The following SLC1A1 variants were observed in gnomAD, a reference collection of about 807,000 sequenced individuals.
SLC1A1 encodes excitatory amino acid transporter 3.
A neutral mutation model predicts 53.3 loss-of-function variants in SLC1A1; 43 were observed. That is an observed-to-expected ratio of 0.81 (90% CI 0.63 to 1.04). The LOEUF (loss-of-function observed/expected upper bound fraction) is 1.04. SLC1A1 is among the 50% of genes least tolerant of loss of function. The pLI is 0.00. For missense variants in SLC1A1, 748 were observed against 664.9 expected (o/e 1.12, Z -1.37); for synonymous variants, 307 against 243.2 (o/e 1.26, Z -2.44).
rs184382078 is a variant in SLC1A1 at position 4,508,330 on chromosome 9, G to C, written c.91+17560G>C. ...AATCCAAGCACACATGCATGGTACT[G>C]ATACACCTGTGGGAGAGTGAGAGTC... On this transcript the variant is annotated intron_variant, in intron 1 of 11. Transcript: ENST00000262352. Among the ~76,000 whole-genome samples the C allele has an allele frequency of 3.3e-5, 5 of 152,304 alleles. No individual in the cohort carries two copies. In the East Asian group the frequency reaches 9.6e-4, roughly 29 times the overall value.
At chr9:4,530,281 A>G (rs901501621) in intron 1 of SLC1A1, among the ~76,000 whole-genome samples, 2 of 152,172 alleles carry the variant, frequency 1.3e-5, no homozygotes, top group East Asian at 1.9e-4. Flanking sequence ...AAGTCTGGAT[A>G]ACTGAATTGT....
At chr9:4,518,511 C>T (rs982260572) in intron 1 of SLC1A1, among the ~76,000 whole-genome samples, 2 of 152,058 alleles carry the variant, frequency 1.3e-5, no homozygotes, top group Non-Finnish European at 2.9e-5. Context: ...GGATTACACA[C>T]GTGGGCCACT....
intron 1 of SLC1A1, among the ~76,000 whole-genome samples, chr9:4,543,170 T>C (rs1384181619): frequency 1.3e-5 from 2 of 152,244 alleles, no homozygotes; most frequent in Non-Finnish European, 2.9e-5. Flanking sequence ...AATTCACATA[T>C]TCTTTCATTG....
At chr9:4,571,900 T>C (rs1820094188) in intron 6 of SLC1A1, among the ~76,000 whole-genome samples, 1 of 152,054 alleles carries the variant, frequency 6.6e-6, no homozygotes, top group Non-Finnish European at 1.5e-5. Context: ...GAAAAGTGCC[T>C]TCAATCTAAA....
chr9:4,519,136 G>C (rs948517240), intron 1 of SLC1A1, among the ~76,000 whole-genome samples: 10 of 152,168 alleles, frequency 6.6e-5, no homozygotes, highest in African/African-American at 2.4e-4. Context: ...TTTGGTTTCT[G>C]TTTGCTCTAA....
At chr9:4,509,433 T>C (rs1189230430) in intron 1 of SLC1A1, among the ~76,000 whole-genome samples, 1 of 151,978 alleles carries the variant, frequency 6.6e-6, no homozygotes, top group African/African-American at 2.4e-5. Flanking sequence ...TTAGCTCATC[T>C]AGGCCTGAAC....
At chr9:4,532,146 C>T (rs932409029) in intron 1 of SLC1A1, among the ~76,000 whole-genome samples, 18 of 152,212 alleles carry the variant, frequency 1.2e-4, no homozygotes, top group South Asian at 4.2e-4. Context: ...AAAATCAGAG[C>T]GCCTCTCCTC....
At chr9:4,546,711 G>T (rs1012705645) in intron 2 of SLC1A1, among the ~76,000 whole-genome samples, 2 of 152,170 alleles carry the variant, frequency 1.3e-5, no homozygotes, top group Non-Finnish European at 2.9e-5. Context: ...TGCCCAGGCT[G>T]GTCTTGAATT....
Position 4,585,911 on chromosome 9 carries a change from TTAAAAAAAA to T in SLC1A1, c.*356_*364del. 1.3e-4 allele frequency: 26 copies of T among 204,142 alleles called. No individual in the cohort carries two copies. Among genetic ancestry groups the T allele is most frequent in the South Asian group, 6.4e-4 (7 of 10,950 alleles). 12.6% of individuals were successfully genotyped at this position (204,142 alleles called of 1,614,324 possible). A position where few individuals can be genotyped will look rare whatever the true frequency, so the allele number is the denominator to read the frequency against. ...ATGCATAGACAAGTGTTTTGGGTTTTTAAAAAAAATATTCTGTCATTGGTTACAAATTTT... is the reference window on the plus strand; with the variant it reads ...ATGCATAGACAAGTGTTTTGGGTTTTTATTCTGTCATTGGTTACAAATTTT... On this transcript the variant is annotated 3_prime_UTR_variant, in exon 12 of 12. Transcript: ENST00000262352.
At chr9:4,575,926 G>A in intron 8 of SLC1A1, 75 bp from the exon 9 acceptor site, 1 of 1,533,608 alleles carries the variant, frequency 6.5e-7, no homozygotes, top group Non-Finnish European at 9.0e-7. Context: ...AAATTAAAAA[G>A]ATGTTTGATA....
intron 1 of SLC1A1, among the ~76,000 whole-genome samples, chr9:4,526,748 T>C (rs1816275122): frequency 6.6e-6 from 1 of 152,156 alleles, no homozygotes; most frequent in Admixed American, 6.5e-5. Flanking sequence ...ATGCCAGTGT[T>C]GCATGAGGTT....
intron 1 of SLC1A1, among the ~76,000 whole-genome samples, chr9:4,511,628 G>T (rs1160381761): frequency 6.7e-6 from 1 of 149,150 alleles, no homozygotes; most frequent in Non-Finnish European, 1.5e-5. Flanking sequence ...TATATTTAAT[G>T]CTGAAAGTCT....
chr9:4,503,300 T>A (rs1820696208), intron 1 of SLC1A1, among the ~76,000 whole-genome samples: 1 of 151,846 alleles, frequency 6.6e-6, no homozygotes, highest in African/African-American at 2.4e-5. Context: ...TGAAAAGTAT[T>A]GTTTGTTGCT....
At chr9:4,497,230 A>G (rs564903693) in intron 1 of SLC1A1, among the ~76,000 whole-genome samples, 6 of 152,300 alleles carry the variant, frequency 3.9e-5, no homozygotes, top group Admixed American at 3.3e-4. Flanking sequence ...TCCATCAAGC[A>G]TATTTTCAGG....
At chr9:4,562,304 C>A (rs1004388609) in intron 3 of SLC1A1, among the ~76,000 whole-genome samples, 8 of 151,608 alleles carry the variant, frequency 5.3e-5, no homozygotes, top group African/African-American at 1.7e-4. Flanking sequence ...GAACTCCTGA[C>A]CTCAGGTGAT....
intron 1 of SLC1A1, among the ~76,000 whole-genome samples, chr9:4,505,668 T>C (rs1240693966): frequency 6.6e-6 from 1 of 152,132 alleles, no homozygotes; most frequent in African/African-American, 2.4e-5. Flanking sequence ...GTTTTTCTTT[T>C]TGTTTTGGGA....
Position 4,561,553 on chromosome 9 carries a change from T to C in SLC1A1, c.325+12T>C. 7.1e-7 allele frequency: 1 copy of C among 1,408,468 alleles called. No homozygotes were observed. Among genetic ancestry groups the C allele is most frequent in the Middle Eastern group, 1.8e-4 (1 of 5,672 alleles). The allele number at this position is 1,408,468 out of a possible 1,614,324, so 87.2% of individuals were successfully genotyped here. ...TGCTGTTATTCTAGGTAATACTTAT[T>C]TCTGAATCCTTACTACTTTATGTAA... On this transcript the variant is annotated intron_variant, in intron 3 of 11. Transcript: ENST00000262352.
At chr9:4,501,454 T>C (rs532196708) in intron 1 of SLC1A1, among the ~76,000 whole-genome samples, 9 of 151,684 alleles carry the variant, frequency 5.9e-5, no homozygotes, top group Non-Finnish European at 1.2e-4. Context: ...GGTATAACAC[T>C]TCCAGATGTA....
At chr9:4,495,338 C>T (rs1820378947) in intron 1 of SLC1A1, among the ~76,000 whole-genome samples, 1 of 152,174 alleles carries the variant, frequency 6.6e-6, no homozygotes, top group African/African-American at 2.4e-5. Context: ...CCCCACTGTG[C>T]ACCAGGGATT....
Sources: allele counts gnomAD v4.1 joint callset (sites outside exome capture counted in the v4.1 genomes callset), GRCh38; gene constraint gnomAD v4.1.1; transcripts MANE v1.5; gene names NCBI Gene and HGNC (gene_info 2026-07-23, HGNC 2026-07-21).